PLEKHA5: variants seen among roughly 807,000 people sequenced by gnomAD.
The protein encoded by PLEKHA5 is pleckstrin homology domain containing A5.
PLEKHA5 carries 55 observed loss-of-function variants against 181.9 expected under a neutral mutation model. The ratio of observed to expected loss-of-function variants is 0.30; its 90% confidence interval spans 0.24 to 0.38. The LOEUF (loss-of-function observed/expected upper bound fraction) is 0.38, where lower values mean the gene tolerates loss of function less well. Ranked by LOEUF, PLEKHA5 falls within the 10% of genes least tolerant of loss-of-function variation. The pLI is 1.00. For synonymous variants in PLEKHA5, 535 were observed against 529.4 expected, an observed-to-expected ratio of 1.01 and a Z score of -0.15; for missense variants, 1,432 against 1,549.5, an observed-to-expected ratio of 0.92 and a Z score of 1.27.
intron 11 of PLEKHA5, among the ~76,000 whole-genome samples, chr12:19,277,370 A>T (rs539143866): frequency 6.6e-6 from 1 of 152,276 alleles, no homozygotes; most frequent in South Asian, 2.1e-4. Flanking sequence ...GATTTTTAAA[A>T]ATTGTGAAGT....
At chr12:19,258,939 T>A (rs778429631) in intron 6 of PLEKHA5, among the ~76,000 whole-genome samples, 4 of 152,194 alleles carry the variant, frequency 2.6e-5, no homozygotes, top group Non-Finnish European at 5.9e-5. Flanking sequence ...ATCCACTATT[T>A]CAGTGCAAAA....
intron 3 of PLEKHA5, among the ~76,000 whole-genome samples, chr12:19,134,399 A>C (rs2034980842): frequency 6.6e-6 from 1 of 152,100 alleles, no homozygotes; most frequent in Admixed American, 6.5e-5. Flanking sequence ...TGTGTCCAAA[A>C]GTAGCAATAA....
intron 3 of PLEKHA5, among the ~76,000 whole-genome samples, chr12:19,196,813 T>C (rs1322437486): frequency 3.1e-4 from 2 of 6,548 alleles, no homozygotes; most frequent in East Asian, 2.2e-3. Flanking sequence ...TTTTTTTTTC[T>C]TTTTTTTTTT....
chr12:19,231,549 T>C (rs2060557771), intron 3 of PLEKHA5, among the ~76,000 whole-genome samples: 1 of 147,920 alleles, frequency 6.8e-6, no homozygotes, highest in Non-Finnish European at 1.5e-5. Flanking sequence ...TATATGTATA[T>C]ATATTTATAT....
At chr12:19,165,324 A>C (rs995266081) in intron 3 of PLEKHA5, among the ~76,000 whole-genome samples, 22 of 152,150 alleles carry the variant, frequency 1.4e-4, no homozygotes, top group African/African-American at 5.3e-4. Flanking sequence ...TATTTATGTC[A>C]AGCTTACACA....
At chr12:19,335,622 G>A (rs1172654526) in intron 20 of PLEKHA5, among the ~76,000 whole-genome samples, 1 of 144,118 alleles carries the variant, frequency 6.9e-6, no homozygotes, top group Non-Finnish European at 1.5e-5. Context: ...GTAGAGACAG[G>A]GTTTGGTTAC....
At chr12:19,313,250 C>T (rs942730627) in intron 15 of PLEKHA5, among the ~76,000 whole-genome samples, 1 of 152,052 alleles carries the variant, frequency 6.6e-6, no homozygotes, top group African/African-American at 2.4e-5. Context: ...TGGCATGTGC[C>T]TGTAGTCCTA....
intron 3 of PLEKHA5, among the ~76,000 whole-genome samples, chr12:19,141,492 C>T (rs1019567409): frequency 2.0e-5 from 3 of 152,168 alleles, no homozygotes; most frequent in African/African-American, 7.2e-5. Context: ...GATCAGAGGT[C>T]TTCTTATAAT....
chr12:19,269,553 A>C (rs1382507755), intron 8 of PLEKHA5, among the ~76,000 whole-genome samples: 2 of 151,866 alleles, frequency 1.3e-5, no homozygotes, highest in African/African-American at 4.8e-5. Flanking sequence ...CACAACTAAA[A>C]GAAAGAGGGT....
intron 4 of PLEKHA5, among the ~76,000 whole-genome samples, chr12:19,254,346 G>A (rs963169286): frequency 2.6e-5 from 4 of 152,132 alleles, no homozygotes; most frequent in African/African-American, 9.7e-5. Flanking sequence ...AAATCAGATA[G>A]TGGTAATTAC....
intron 15 of PLEKHA5, among the ~76,000 whole-genome samples, chr12:19,301,430 T>C (rs376387440): frequency 2.1e-3 from 322 of 152,242 alleles, no homozygotes; most frequent in African/African-American, 3.4e-3. Flanking sequence ...GTAGCCTTGC[T>C]TGAAATTAAA....
rs11044449 is a variant in PLEKHA5, at chr12:19,203,792, G to A, written c.228-50148G>A. On this transcript the variant is annotated intron_variant, in intron 3 of 31. Transcript: ENST00000429027. ...TTTTGTTTCCATTGTGTATTGCAGC[G>A]TACCGTGACTCATATATAACCTGTT... 8.1e-3 allele frequency among the ~76,000 whole-genome samples: 1,232 copies of A among 152,072 alleles called. 36 individuals are homozygous for A. In the East Asian group the frequency reaches 0.12, roughly 15 times the overall value.
At chr12:19,265,111 A>G (rs2069883403) in intron 7 of PLEKHA5, among the ~76,000 whole-genome samples, 1 of 152,246 alleles carries the variant, frequency 6.6e-6, no homozygotes, top group Non-Finnish European at 1.5e-5. Flanking sequence ...AATGTTTTAA[A>G]AAGCGTATAA....
chr12:19,134,043 T>A (rs540940738), intron 3 of PLEKHA5, among the ~76,000 whole-genome samples: 25 of 152,178 alleles, frequency 1.6e-4, no homozygotes, highest in Non-Finnish European at 3.5e-4. Flanking sequence ...AGAGGTAACA[T>A]TTCAATTTTC....
chr12:19,272,578 A>T (rs1310469624), intron 10 of PLEKHA5, among the ~76,000 whole-genome samples: 2 of 152,074 alleles, frequency 1.3e-5, no homozygotes, highest in Non-Finnish European at 2.9e-5. Flanking sequence ...TCTCTAAAAA[A>T]ATTTAAAAAT....
chr12:19,212,537 C>G (rs1309299583), intron 3 of PLEKHA5, among the ~76,000 whole-genome samples: 1 of 151,900 alleles, frequency 6.6e-6, no homozygotes, highest in Non-Finnish European at 1.5e-5. Context: ...AAAAATTAGC[C>G]AGGCATGGTG....
At chr12:19,314,718 G>A in intron 15 of PLEKHA5, 96 bp from the exon 16 acceptor site, 2 of 719,258 alleles carry the variant, frequency 2.8e-6, no homozygotes, top group Non-Finnish European at 5.1e-6. Context: ...CTATTAGGAA[G>A]ATATTAAAGT....
chr12:19,315,275 G>A (rs1391231844), intron 16 of PLEKHA5, among the ~76,000 whole-genome samples: 3 of 151,920 alleles, frequency 2.0e-5, no homozygotes, highest in African/African-American at 7.3e-5. Flanking sequence ...TTACTTTCAG[G>A]GGTTGCCCTC....
chr12:19,264,065 G>T (rs1042498843), intron 7 of PLEKHA5, among the ~76,000 whole-genome samples: 2 of 152,150 alleles, frequency 1.3e-5, no homozygotes, highest in Non-Finnish European at 2.9e-5. Context: ...AGAAGGTGAA[G>T]ATTTTTTACA....
Sources: allele counts gnomAD v4.1 joint callset (sites outside exome capture counted in the v4.1 genomes callset), GRCh38; gene constraint gnomAD v4.1.1; transcripts MANE v1.5; gene names NCBI Gene and HGNC (gene_info 2026-07-23, HGNC 2026-07-21).